The following ETNK1 variants were observed in gnomAD, a reference collection of about 807,000 sequenced individuals.
ETNK1 encodes ethanolamine kinase 1.
A neutral mutation model predicts 45.1 loss-of-function variants in ETNK1; 8 were observed. The ratio of observed to expected loss-of-function variants is 0.18; its 90% CI spans 0.10 to 0.32. The LOEUF (loss-of-function observed/expected upper bound fraction) is 0.32. Ranked by LOEUF, ETNK1 falls within the 10% of genes least tolerant of loss-of-function variation. The pLI, the probability that ETNK1 is intolerant of heterozygous loss-of-function variation, is 1.00. For synonymous variants in ETNK1, 152 were observed against 151.9 expected (o/e 1.00, Z -0.01); for missense variants, 302 against 430.6 (o/e 0.70, Z 2.64).
Position 22,643,777 on chromosome 12 carries a change from A to C in ETNK1, c.171A>C (p.Gly57=), listed in dbSNP as rs1449946673. 3 of 1,608,204 alleles carry C rather than the reference A, an allele frequency of 1.9e-6. No individual in the cohort carries two copies. The South Asian group carries it at 3.3e-5, about 18-fold the overall frequency. ...ATTTTTGGCAGCTCTTCACAGATGG[A>C]ATCACAAATAAACTTATTGGCTGTT... ...QEVTLQLFTD[G]ITNKLIGCYV... The change falls in exon 2 of 8, where the codon GGA becomes GGC. Residue 57 remains glycine (G), a synonymous_variant. Coordinates refer to ENST00000266517, the MANE Select transcript of ETNK1 (RefSeq NM_018638.5).
At chr12:22,673,383 C>T in intron 5 of ETNK1, 117 bp from the exon 6 acceptor site, 1 of 664,830 alleles carries the variant, frequency 1.5e-6, no homozygotes, top group Non-Finnish European at 2.4e-6. Context: ...ATGCAGTATT[C>T]CAGCCAAAAT....
At chr12:22,656,630 T>C in intron 2 of ETNK1, 1 of 985,410 alleles carries the variant, frequency 1.0e-6, no homozygotes, top group Non-Finnish European at 1.2e-6. Context: ...GAATCCAGCA[T>C]GGAGCAGACG....
chr12:22,628,814 C>T (rs561862343), intron 1 of ETNK1, among the ~76,000 whole-genome samples: 1 of 152,012 alleles, frequency 6.6e-6, no homozygotes, highest in Admixed American at 6.5e-5. Flanking sequence ...GAATTAATAC[C>T]GTAATTATTA....
At chr12:22,638,993 TAGTC>T (rs916516986) in intron 1 of ETNK1, 44 of 152,296 alleles carry the variant, frequency 2.9e-4, no homozygotes, top group African/African-American at 8.2e-4. Flanking sequence ...TACTGTTTAA[TAGTC>T]AGTTCATAAT....
intron 2 of ETNK1, among the ~76,000 whole-genome samples, chr12:22,646,049 C>T (rs534615593): frequency 4.0e-5 from 6 of 151,648 alleles, no homozygotes; most frequent in Admixed American, 1.3e-4. Flanking sequence ...GAGTGGAGGC[C>T]GAGAAAGTAA....
At chr12:22,629,109 G>T (rs1189181562) in intron 1 of ETNK1, among the ~76,000 whole-genome samples, 8 of 152,064 alleles carry the variant, frequency 5.3e-5, no homozygotes, top group African/African-American at 1.9e-4. Flanking sequence ...AATAAATGCT[G>T]TCTTTCATGA....
intron 1 of ETNK1, among the ~76,000 whole-genome samples, chr12:22,640,630 A>G (rs1173712623): frequency 6.6e-6 from 1 of 152,262 alleles, no homozygotes; most frequent in East Asian, 1.9e-4. Flanking sequence ...CGGTGTGCCA[A>G]GCACTGTTCT....
chr12:22,675,362 A>AT (rs1302173028), intron 6 of ETNK1, among the ~76,000 whole-genome samples: 7 of 151,694 alleles, frequency 4.6e-5, no homozygotes, highest in East Asian at 1.9e-4. Context: ...TGCCAGACCT[A>AT]TTTTTTTATT....
At chr12:22,683,041 T>C (rs1433055844) in intron 6 of ETNK1, among the ~76,000 whole-genome samples, 2 of 152,222 alleles carry the variant, frequency 1.3e-5, no homozygotes, top group African/African-American at 4.8e-5. Flanking sequence ...TAGCATTCTA[T>C]TGAATATTTG....
chr12:22,680,738 T>A (rs1268093669), intron 6 of ETNK1, among the ~76,000 whole-genome samples: 1 of 152,182 alleles, frequency 6.6e-6, no homozygotes, highest in Non-Finnish European at 1.5e-5. Flanking sequence ...GGTTAGTAAA[T>A]GTTGATTGCT....
At position 22,689,919 on chromosome 12, in the gene ETNK1, C is replaced by T. The variant is rs906629166; in HGVS notation, c.*4965C>T. On this transcript the variant is annotated 3_prime_UTR_variant, in exon 8 of 8. Coordinates refer to ENST00000266517, the MANE Select transcript of ETNK1 (RefSeq NM_018638.5). ...TTTTTGACTGTACTGTATTTAGGAGCCTTTGTACAGCTTGGTCAAATTTCC... is the reference window on the plus strand; with the variant it reads ...TTTTTGACTGTACTGTATTTAGGAGTCTTTGTACAGCTTGGTCAAATTTCC... 3.3e-5 allele frequency: 5 copies of T among 152,228 alleles called. No homozygotes were observed. The highest frequency in any genetic ancestry group is 7.4e-5 in the Non-Finnish European group (5 of 67,872). The allele number at this position is 152,228 out of a possible 1,614,324, so 9.4% of individuals were successfully genotyped here.
chr12:22,678,146 G>T (rs1954178470), intron 6 of ETNK1, among the ~76,000 whole-genome samples: 1 of 151,806 alleles, frequency 6.6e-6, no homozygotes. Flanking sequence ...AATTTCCTCC[G>T]ACTGTTTATT....
chr12:22,643,381 T>C (rs1506787), intron 1 of ETNK1, among the ~76,000 whole-genome samples: 3,637 of 152,086 alleles, frequency 0.024, 121 homozygotes, highest in African/African-American at 0.071. Context: ...ATTCCCTGTA[T>C]GTGTACATTC....
intron 5 of ETNK1, 32 bp from the exon 6 acceptor site, chr12:22,673,468 A>T: frequency 6.6e-7 from 1 of 1,525,870 alleles, no homozygotes; most frequent in East Asian, 2.3e-5. Context: ...TATGTTTTAA[A>T]ATTTTTGAGT....
chr12:22,680,281 T>G (rs756293814), intron 6 of ETNK1, among the ~76,000 whole-genome samples: 7 of 152,230 alleles, frequency 4.6e-5, no homozygotes, highest in Non-Finnish European at 7.3e-5. Flanking sequence ...TCTCTTTGCC[T>G]TCAGTTTTTT....
At chr12:22,629,541 T>G (rs1953547964) in intron 1 of ETNK1, among the ~76,000 whole-genome samples, 1 of 152,148 alleles carries the variant, frequency 6.6e-6, no homozygotes, top group Non-Finnish European at 1.5e-5. Context: ...AGTTGATATT[T>G]TATATTGGTC....
rs1953973674 is a variant in ETNK1 at position 22,659,114 on chromosome 12, C to T, written c.517C>T (p.Leu173Phe). Residue 173 changes from leucine (L) to phenylalanine (F), a missense_variant, in exon 3 of 8, where the codon CTC becomes TTC. Coordinates refer to ENST00000266517, the MANE Select transcript of ETNK1 (RefSeq NM_018638.5). Reference protein sequence around the residue: ...LWLKMGKYFSLIPTGFADEDI... With the variant: ...LWLKMGKYFSFIPTGFADEDI... ...GCTAAAGATGGGAAAGTATTTCTCT[C>T]TCATTCCCACAGGATTTGCAGATGA... The T allele has an allele frequency of 2.5e-6, 4 of 1,613,652 alleles. No individual in the cohort carries two copies. Among genetic ancestry groups the T allele is most frequent in the Non-Finnish European group, 2.5e-6 (3 of 1,179,798 alleles).
chr12:22,647,441 A>G (rs1159249424), intron 2 of ETNK1, among the ~76,000 whole-genome samples: 1 of 151,912 alleles, frequency 6.6e-6, no homozygotes, highest in Non-Finnish European at 1.5e-5. Flanking sequence ...AAAGAAAGTT[A>G]TATGCTGTAT....
intron 6 of ETNK1, among the ~76,000 whole-genome samples, chr12:22,677,944 G>A (rs888738013): frequency 6.6e-6 from 1 of 151,900 alleles, no homozygotes; most frequent in Non-Finnish European, 1.5e-5. Flanking sequence ...TTTTTGTTTC[G>A]ATTCCTGTTC....
Sources: gnomAD v4.1 joint callset for allele counts (sites outside exome capture counted in the v4.1 genomes callset) on GRCh38, gnomAD v4.1.1 for gene constraint, MANE v1.5 for transcripts, NCBI Gene and HGNC (gene_info 2026-07-23, HGNC 2026-07-21) for gene names.